The following HM13 variants were observed in gnomAD, a reference collection of about 807,000 sequenced individuals.
HM13 encodes histocompatibility minor 13.
A neutral mutation model predicts 50.0 loss-of-function variants in HM13; 18 were observed. The observed-to-expected ratio is 0.36, with a 90% CI of 0.25 to 0.53. HM13 has a LOEUF of 0.53. Ranked by LOEUF, HM13 falls within the 20% of genes least tolerant of loss-of-function variation. The probability of loss-of-function intolerance (pLI) is 0.90; values close to 1 mark genes in which losing one functional copy is unlikely to be tolerated. For synonymous variants in HM13, 197 were observed against 232.6 expected (o/e 0.85, Z 1.39); for missense variants, 393 against 552.4 (o/e 0.71, Z 2.89).
intron 3 of HM13, among the ~76,000 whole-genome samples, chr20:31,542,688 C>G (rs1223334248): frequency 6.6e-6 from 1 of 152,186 alleles, no homozygotes; most frequent in Non-Finnish European, 1.5e-5. Context: ...CTGTGTAGTG[C>G]TAAGCAGCCT....
intron 1 of HM13, 23 bp from the exon 2 acceptor site, chr20:31,527,461 A>G (rs1450337512): frequency 6.4e-7 from 1 of 1,560,276 alleles, no homozygotes; most frequent in South Asian, 1.1e-5. Flanking sequence ...GTGCTGAGCC[A>G]TTGTCATTCT....
intron 2 of HM13, among the ~76,000 whole-genome samples, chr20:31,528,780 T>C (rs1004867853): frequency 6.6e-6 from 1 of 152,202 alleles, no homozygotes; most frequent in Admixed American, 6.5e-5. Context: ...CCCGGCCAAC[T>C]TTTTCTTTTA....
chr20:31,527,715 C>T (rs1568782179), intron 2 of HM13, 133 bp downstream of exon 2: 2 of 650,722 alleles, frequency 3.1e-6, no homozygotes, highest in Non-Finnish European at 5.2e-6. Context: ...AATAATTCAC[C>T]CATAGACCTA....
chr20:31,560,462 A>T (rs896913470), intron 9 of HM13, among the ~76,000 whole-genome samples: 1 of 152,366 alleles, frequency 6.6e-6, no homozygotes, highest in African/African-American at 2.4e-5. Context: ...TGTGAAACTT[A>T]GGTTTTTCCC....
At chr20:31,520,100 G>A (rs1383931742) in intron 1 of HM13, among the ~76,000 whole-genome samples, 1 of 151,750 alleles carries the variant, frequency 6.6e-6, no homozygotes, top group African/African-American at 2.4e-5. Flanking sequence ...CAGGTGATCT[G>A]CCCGCCTTGG....
chr20:31,527,690 G>T (rs746719517), intron 2 of HM13, 108 bp downstream of exon 2: 2 of 806,692 alleles, frequency 2.5e-6, no homozygotes, highest in Non-Finnish European at 3.9e-6. Flanking sequence ...AGAAAATAAA[G>T]AAGAAAGAAA....
At chr20:31,544,856 A>G (rs1983622379) in intron 3 of HM13, 91 bp from the exon 4 acceptor site, 1 of 957,514 alleles carries the variant, frequency 1.0e-6, no homozygotes, top group African/African-American at 1.6e-5. Context: ...GGACAGCTGT[A>G]AGGGTGCCAG....
chr20:31,538,149 T>C, intron 2 of HM13, 30 bp from the exon 3 acceptor site: 1 of 1,611,578 alleles, frequency 6.2e-7, no homozygotes, highest in Admixed American at 1.7e-5. Context: ...CAACCCTAAC[T>C]TCCTGTTTCT....
intron 1 of HM13, among the ~76,000 whole-genome samples, chr20:31,522,544 T>TGA (rs1982232879): frequency 7.1e-6 from 1 of 141,668 alleles, no homozygotes; most frequent in Middle Eastern, 3.3e-3. Context: ...AAAACTCCAC[T>TGA]AAAAAAAAAC....
At position 31,569,149 on chromosome 20, in the gene HM13, C is replaced by A; in HGVS notation, c.1211C>A (p.Ala404Glu). ...IYEESNPKDP[A>E]AVTESKEGTE... ...GAGGAGTCAAATCCTAAGGATCCAG[C>A]GGCAGTGACAGAATCCAAAGAGGGA... Residue 404 changes from alanine (A) to glutamate (E), a missense_variant, in exon 13 of 13, where the codon GCG (alanine) becomes GAG (glutamate). Transcript: ENST00000398174. 1 of 1,592,770 alleles carries A rather than the reference C, an allele frequency of 6.3e-7. No individual in the cohort carries two copies. Among genetic ancestry groups the A allele is most frequent in the Non-Finnish European group, 8.6e-7 (1 of 1,169,024 alleles).
At chr20:31,522,853 G>C (rs1982253780) in intron 1 of HM13, among the ~76,000 whole-genome samples, 1 of 139,114 alleles carries the variant, frequency 7.2e-6, no homozygotes, top group African/African-American at 3.2e-5. Context: ...AGGAAATTGA[G>C]GCTTAGAGAA....
intron 8 of HM13, among the ~76,000 whole-genome samples, chr20:31,555,244 C>A (rs1984245950): frequency 6.6e-6 from 1 of 152,204 alleles, no homozygotes; most frequent in African/African-American, 2.4e-5. Context: ...CACAGATGTA[C>A]CAGAATTGCC....
At chr20:31,539,344 A>G (rs1983301240) in intron 3 of HM13, 1 of 985,380 alleles carries the variant, frequency 1.0e-6, no homozygotes, top group Non-Finnish European at 1.2e-6. Flanking sequence ...CTGATAGACC[A>G]AGAGGTGGCC....
Position 31,554,864 on chromosome 20 carries a change from G to A in HM13, c.808+35G>A, listed in dbSNP as rs1339268810. The A allele has an allele frequency of 2.0e-6, 3 of 1,520,064 alleles. No homozygotes were observed. In the East Asian group the frequency reaches 6.7e-5, roughly 34 times the overall value. The allele number at this position is 1,520,064 out of a possible 1,614,324, so 94.2% of individuals were successfully genotyped here. A position where few individuals can be genotyped will look rare whatever the true frequency, so the allele number is the denominator to read the frequency against. On this transcript the variant is annotated intron_variant, in intron 8 of 12. Coordinates refer to ENST00000398174, the MANE Select transcript of HM13 (RefSeq NM_178581.3). ...CTGGTGTGGGGGCTATGTGAAAGGG[G>A]TGGAGAGGGTATTCCCCGGAGCAAG... is the stretch of plus-strand genomic sequence containing the variant.
chr20:31,542,017 ACCT>A (rs1983475454), intron 3 of HM13, among the ~76,000 whole-genome samples: 1 of 152,172 alleles, frequency 6.6e-6, no homozygotes, highest in Non-Finnish European at 1.5e-5. Context: ...TGGGCTGGCC[ACCT>A]CCTGCCATTG....
In HM13 at chr20:31,566,115, C is replaced by G; in HGVS notation, c.949-95C>G. 3.4e-6 allele frequency: 3 copies of G among 882,994 alleles called. No homozygotes were observed. The South Asian group carries it at 4.4e-5, about 13-fold the overall frequency. 54.7% of individuals were successfully genotyped at this position (882,994 alleles called of 1,614,324 possible). On this transcript the variant is annotated intron_variant, in intron 10 of 12. Coordinates refer to ENST00000398174, the MANE Select transcript of HM13 (RefSeq NM_178581.3). ...CTATGGTCCTGGACCAGTCACTGTC[C>G]TTCAGTCCAGCCCAGAAGGGGTTTG...
intron 2 of HM13, among the ~76,000 whole-genome samples, chr20:31,529,590 T>G (rs944641467): frequency 9.2e-5 from 14 of 152,222 alleles, no homozygotes; most frequent in Non-Finnish European, 1.3e-4. Flanking sequence ...TCCTGGTCAT[T>G]GAAAATTCCT....
chr20:31,538,353 G>A (rs1396063913), intron 3 of HM13, 92 bp downstream of exon 3: 1 of 1,606,918 alleles, frequency 6.2e-7, no homozygotes, highest in Non-Finnish European at 8.5e-7. Flanking sequence ...GCATCATTCA[G>A]AGCCAGGTTT....
intron 2 of HM13, among the ~76,000 whole-genome samples, chr20:31,530,427 T>G (rs968304124): frequency 6.2e-5 from 9 of 144,892 alleles, no homozygotes; most frequent in African/African-American, 2.5e-4. Context: ...TTTTTTTTTT[T>G]GAGACAGAGT....
Sources: gnomAD v4.1 joint callset for allele counts (sites outside exome capture counted in the v4.1 genomes callset) on GRCh38, gnomAD v4.1.1 for gene constraint, MANE v1.5 for transcripts, NCBI Gene and HGNC (gene_info 2026-07-23, HGNC 2026-07-21) for gene names.